The following SIAH2 variants were observed in gnomAD, a reference collection of about 807,000 sequenced individuals.
SIAH2 encodes the protein E3 ubiquitin-protein ligase SIAH2.
A neutral mutation model predicts 20.4 loss-of-function variants in SIAH2; 4 were observed. That is an observed-to-expected ratio of 0.20 (90% confidence interval 0.10 to 0.45). The LOEUF is 0.45. SIAH2 is among the 20% of genes least tolerant of loss of function. SIAH2 has a pLI of 0.99. For missense variants in SIAH2, 259 were observed against 440.3 expected (o/e 0.59, Z 3.69); for synonymous variants, 171 against 192.5 (o/e 0.89, Z 0.93).
intron 1 of SIAH2, among the ~76,000 whole-genome samples, chr3:150,746,696 AC>A (rs556410614): frequency 3.6e-4 from 55 of 152,334 alleles, no homozygotes; most frequent in Admixed American, 9.8e-4. Context: ...CCAGTTGAGA[AC>A]CACTGACTCT....
chr3:150,749,417 A>T (rs1714308144), intron 1 of SIAH2, among the ~76,000 whole-genome samples: 1 of 151,850 alleles, frequency 6.6e-6, no homozygotes, highest in Non-Finnish European at 1.5e-5. Flanking sequence ...AGGTGAGAGG[A>T]TTGCTTGAGC....
At chr3:150,760,762 G>A (rs1489033245) in intron 1 of SIAH2, among the ~76,000 whole-genome samples, 1 of 152,220 alleles carries the variant, frequency 6.6e-6, no homozygotes, top group Non-Finnish European at 1.5e-5. Flanking sequence ...GAAATCCTAT[G>A]GGGCATCCCC....
chr3:150,751,655 G>A (rs1714367771), intron 1 of SIAH2, among the ~76,000 whole-genome samples: 1 of 152,138 alleles, frequency 6.6e-6, no homozygotes, highest in Non-Finnish European at 1.5e-5. Context: ...TTGCCTAAGA[G>A]AAAGTCAACA....
intron 1 of SIAH2, among the ~76,000 whole-genome samples, chr3:150,752,396 G>A (rs1430184796): frequency 6.6e-6 from 1 of 152,242 alleles, no homozygotes; most frequent in Non-Finnish European, 1.5e-5. Flanking sequence ...ATCACCTGAG[G>A]TCAGGAGTTC....
At position 150,762,266 on chromosome 3, in the gene SIAH2, C is replaced by T. The variant is rs2108128004; in HGVS notation, c.417+167G>A. The T allele has an allele frequency of 7.3e-7, 1 of 1,363,688 alleles. No individual in the cohort carries two copies. The highest frequency in any genetic ancestry group is 2.5e-4 in the Middle Eastern group (1 of 4,076). The allele number at this position is 1,363,688 out of a possible 1,614,324, so 84.5% of individuals were successfully genotyped here. On this transcript the variant is annotated intron_variant, in intron 1 of 1. Transcript: ENST00000312960. This position sits in a 1 kb window ranked among gnomAD's most constrained non-coding sequence, Gnocchi z 6.6. The stretch of plus-strand genomic sequence containing the variant: ...TTACTCGGTAAATGTCAACCCAGAC[C>T]TACACCCAAAGTGGGCTTGAGGGAG...
chr3:150,743,857 A>G (rs1714154130), intron 1 of SIAH2, among the ~76,000 whole-genome samples: 1 of 152,122 alleles, frequency 6.6e-6, no homozygotes, highest in Admixed American at 6.5e-5. Flanking sequence ...TCACCTTTTC[A>G]GGTGAAACTA....
Position 150,742,507 on chromosome 3 carries a change from G to A in SIAH2, c.609C>T (p.Ile203=), listed in dbSNP as rs773479575. 1.4e-5 allele frequency: 22 copies of A among 1,614,016 alleles called. No homozygotes were observed. The highest frequency in any genetic ancestry group is 1.3e-4 in the Admixed American group (8 of 60,006). ...KSITTLQGED[I]VFLATDINLP... ...AGTTAATGTCTGTAGCTAGAAAGAC[G>A]ATGTCTTCTCCCTGAAGGGTGGTAA... Residue 203 remains isoleucine (I), a synonymous_variant, in exon 2 of 2, where the codon ATC becomes ATT. Transcript: ENST00000312960. The surrounding 1 kb of genome is among the most constrained non-coding windows in gnomAD (Gnocchi z 4.8).
rs1201744873 is a variant in SIAH2, at chr3:150,742,543, G to A, written c.573C>T (p.Ala191=). 2 of 1,613,896 alleles carry A rather than the reference G, an allele frequency of 1.2e-6. No individual in the cohort carries two copies. Among genetic ancestry groups the A allele is most frequent in the African/African-American group, 1.3e-5 (1 of 74,894 alleles). ...CCTGAAGGGTGGTAATGCTCTTGTG[G>A]GCGTGCATGAGATGGGACATCACAG... The part of the protein sequence containing the change: ...LEAVMSHLMH[A]HKSITTLQGE... The change falls in exon 2 of 2, where the codon GCC becomes GCT. Residue 191 remains alanine, a synonymous_variant. Transcript: ENST00000312960. The surrounding 1 kb of genome is among the most constrained non-coding windows in gnomAD (Gnocchi z 4.8).
At chr3:150,751,634 A>G (rs888111941) in intron 1 of SIAH2, among the ~76,000 whole-genome samples, 2 of 152,080 alleles carry the variant, frequency 1.3e-5, no homozygotes, top group Admixed American at 6.5e-5. Context: ...GGGCCCAAAA[A>G]TCTGTCCTTT....
chr3:150,748,528 G>A (rs562507259), intron 1 of SIAH2, among the ~76,000 whole-genome samples: 1 of 152,212 alleles, frequency 6.6e-6, no homozygotes, highest in Admixed American at 6.5e-5. Flanking sequence ...CTACTCAATG[G>A]GAGCAGCATG....
chr3:150,746,295 C>G (rs1225722455), intron 1 of SIAH2, among the ~76,000 whole-genome samples: 1 of 152,078 alleles, frequency 6.6e-6, no homozygotes, highest in African/African-American at 2.4e-5. Context: ...ACTAGGAAGG[C>G]TGAGACAGGA....
chr3:150,751,669 C>T (rs1301306970), intron 1 of SIAH2, among the ~76,000 whole-genome samples: 1 of 152,150 alleles, frequency 6.6e-6, no homozygotes, highest in African/African-American at 2.4e-5. Flanking sequence ...GTCAACAAAC[C>T]ACCTTTTAGC....
chr3:150,743,465 T>G (rs1341879130), intron 1 of SIAH2, among the ~76,000 whole-genome samples: 1 of 152,096 alleles, frequency 6.6e-6, no homozygotes, highest in Non-Finnish European at 1.5e-5. Flanking sequence ...GGCCTAACCC[T>G]CCTCTCAAAG....
At chr3:150,760,110 C>T (rs1460867441) in intron 1 of SIAH2, among the ~76,000 whole-genome samples, 1 of 152,150 alleles carries the variant, frequency 6.6e-6, no homozygotes, top group Non-Finnish European at 1.5e-5. Flanking sequence ...TGTTTCTCAT[C>T]CTCTACAACT....
At chr3:150,758,005 AG>A (rs1012340963) in intron 1 of SIAH2, among the ~76,000 whole-genome samples, 1 of 152,178 alleles carries the variant, frequency 6.6e-6, no homozygotes, top group African/African-American at 2.4e-5. Context: ...CCTGACCCTG[AG>A]GCCATGAGTG....
chr3:150,747,406 G>GT (rs1215886342), intron 1 of SIAH2, among the ~76,000 whole-genome samples: 5 of 152,212 alleles, frequency 3.3e-5, no homozygotes, highest in African/African-American at 9.7e-5. Flanking sequence ...GGACTTGTGC[G>GT]TTTAAGCTGG....
intron 1 of SIAH2, among the ~76,000 whole-genome samples, chr3:150,760,413 T>C (rs979159482): frequency 6.6e-6 from 1 of 152,194 alleles, no homozygotes; most frequent in African/African-American, 2.4e-5. Flanking sequence ...AGAAAACCAC[T>C]GACATGTACA....
Position 150,747,964 on chromosome 3 carries a change from C to CAAAA in SIAH2, c.418-5270_418-5267dup, listed in dbSNP as rs58478348. On this transcript the variant is annotated intron_variant, in intron 1 of 1. Coordinates refer to ENST00000312960, the MANE Select transcript of SIAH2 (RefSeq NM_005067.7). ...GGGCAACAGGAGCGAAACGCCATCT[C>CAAAA]AAAAAAAAAAAAAAAAAAAAAAATT... 7.2e-3 allele frequency among the ~76,000 whole-genome samples: 406 copies of CAAAA among 56,656 alleles called. 7 individuals are homozygous for CAAAA. Among genetic ancestry groups the CAAAA allele is most frequent in the African/African-American group, 0.023 (384 of 16,740 alleles). 37.2% of individuals were successfully genotyped at this position (56,656 alleles called of 152,430 possible).
chr3:150,754,004 T>C (rs966806923), intron 1 of SIAH2, among the ~76,000 whole-genome samples: 4 of 152,226 alleles, frequency 2.6e-5, no homozygotes, highest in Admixed American at 2.6e-4. Flanking sequence ...GGTACTGTTA[T>C]AGAACTGCAA....
Sources: allele counts gnomAD v4.1 joint callset (sites outside exome capture counted in the v4.1 genomes callset), GRCh38; gene constraint gnomAD v4.1.1; non-coding constraint Gnocchi (gnomAD v3.1); transcripts MANE v1.5; gene names NCBI Gene and HGNC (gene_info 2026-07-23, HGNC 2026-07-21).